PRKG1: variants seen among roughly 807,000 people sequenced by gnomAD.
PRKG1 encodes protein kinase cGMP-dependent 1.
Under a neutral mutation model 88.1 loss-of-function variants are expected in PRKG1, and 35 were observed. That is an observed-to-expected ratio of 0.40 (90% confidence interval 0.30 to 0.53). The LOEUF (loss-of-function observed/expected upper bound fraction) is 0.53. Among genes scored for constraint, PRKG1 ranks in the 20% least tolerant of loss-of-function variants. The pLI is 0.59. For missense variants in PRKG1, 540 were observed against 839.8 expected, an observed-to-expected ratio of 0.64 and a Z score of 4.41; for synonymous variants, 303 against 292.5, an observed-to-expected ratio of 1.04 and a Z score of -0.37.
intron 2 of PRKG1, among the ~76,000 whole-genome samples, chr10:51,392,543 A>G (rs1321361419): frequency 6.6e-6 from 1 of 152,016 alleles, no homozygotes; most frequent in Non-Finnish European, 1.5e-5. Flanking sequence ...TTCTACACAG[A>G]CACGGCAACC....
At chr10:51,349,058 GT>G (rs528366519) in intron 2 of PRKG1, among the ~76,000 whole-genome samples, 17 of 152,270 alleles carry the variant, frequency 1.1e-4, no homozygotes, top group African/African-American at 3.9e-4. Flanking sequence ...GTGCCCAAGT[GT>G]TGTCGTCATC....
chr10:51,387,458 T>C (rs1156701744), intron 2 of PRKG1, among the ~76,000 whole-genome samples: 1 of 151,856 alleles, frequency 6.6e-6, no homozygotes, highest in Non-Finnish European at 1.5e-5. Context: ...GTCATTTTTC[T>C]TTGGCTATAA....
chr10:51,851,008 C>A (rs1477029883), intron 4 of PRKG1, among the ~76,000 whole-genome samples: 1 of 152,048 alleles, frequency 6.6e-6, no homozygotes, highest in Non-Finnish European at 1.5e-5. Flanking sequence ...ATGGTCATGC[C>A]CCTACAAAAT....
chr10:52,246,969 C>T (rs1039723869), intron 9 of PRKG1, among the ~76,000 whole-genome samples: 3 of 103,826 alleles, frequency 2.9e-5, no homozygotes, highest in Non-Finnish European at 7.2e-5. Context: ...ATCTTATAAT[C>T]AGACATATTT....
At chr10:50,992,798 A>G (rs201650027) in intron 1 of PRKG1, among the ~76,000 whole-genome samples, 1 of 34,942 alleles carries the variant, frequency 2.9e-5, no homozygotes. Flanking sequence ...CAGACTCCAA[A>G]GCCATTACTG....
chr10:51,408,815 T>G (rs1837996894), intron 2 of PRKG1, among the ~76,000 whole-genome samples: 1 of 152,150 alleles, frequency 6.6e-6, no homozygotes, highest in South Asian at 2.1e-4. Flanking sequence ...CATAGAATGG[T>G]TCATCTTATC....
At chr10:51,636,672 T>C (rs987026783) in intron 3 of PRKG1, among the ~76,000 whole-genome samples, 4 of 152,178 alleles carry the variant, frequency 2.6e-5, no homozygotes, top group East Asian at 1.9e-4. Flanking sequence ...CCCAGGCAAA[T>C]AGAAGGGGCT....
intron 12 of PRKG1, among the ~76,000 whole-genome samples, chr10:52,278,280 A>G (rs2132443351): frequency 6.6e-6 from 1 of 152,340 alleles, no homozygotes; most frequent in Middle Eastern, 3.4e-3. Flanking sequence ...ATCTCATGCC[A>G]GTTAGAATGA....
intron 5 of PRKG1, among the ~76,000 whole-genome samples, chr10:51,949,893 G>A (rs1843144099): frequency 2.0e-5 from 3 of 152,082 alleles, no homozygotes; most frequent in Admixed American, 2.0e-4. Flanking sequence ...ACATTGTTAT[G>A]TCATGCCATC....
chr10:51,859,454 G>A (rs1262270806), intron 4 of PRKG1, among the ~76,000 whole-genome samples: 1 of 149,296 alleles, frequency 6.7e-6, no homozygotes, highest in African/African-American at 2.5e-5. Context: ...CACTACATTA[G>A]GGGAAGACAT....
chr10:51,628,004 C>T (rs1444280261), intron 3 of PRKG1, among the ~76,000 whole-genome samples: 598 of 43,760 alleles, frequency 0.014, 54 homozygotes, highest in South Asian at 0.028. Context: ...CTCTCTCTCT[C>T]TCTCTCTTTC....
rs531674290 is a variant in PRKG1, at chr10:52,281,700, T to A, written c.1546-453T>A. 2.3e-4 allele frequency among the ~76,000 whole-genome samples: 35 copies of A among 152,240 alleles called. 2 individuals carry two copies. The South Asian group carries it at 6.8e-3, about 30-fold the overall frequency. On this transcript the variant is annotated intron_variant, in intron 13 of 17. Transcript: ENST00000373980. ...TCCCAAAACTATCTTACTCACTTCCTGCAAACATAAAATAGCTTTTCAAAT... is the reference window on the plus strand; with the variant it reads ...TCCCAAAACTATCTTACTCACTTCCAGCAAACATAAAATAGCTTTTCAAAT...
At chr10:51,009,406 C>T (rs1350688780) in intron 1 of PRKG1, among the ~76,000 whole-genome samples, 1 of 152,070 alleles carries the variant, frequency 6.6e-6, no homozygotes, top group Non-Finnish European at 1.5e-5. Flanking sequence ...AATAGTTCTC[C>T]CACCTCCACC....
chr10:52,039,389 C>T (rs900216954), intron 5 of PRKG1, among the ~76,000 whole-genome samples: 1 of 152,054 alleles, frequency 6.6e-6, no homozygotes, highest in Non-Finnish European at 1.5e-5. Flanking sequence ...AATGTCATCA[C>T]TTAAGGCAAG....
At chr10:51,832,949 A>T (rs1193476334) in intron 4 of PRKG1, among the ~76,000 whole-genome samples, 1 of 152,176 alleles carries the variant, frequency 6.6e-6, no homozygotes, top group Non-Finnish European at 1.5e-5. Flanking sequence ...TTCTCCTGTG[A>T]TATGAATAAA....
intron 3 of PRKG1, among the ~76,000 whole-genome samples, chr10:51,802,462 A>C (rs1204117695): frequency 6.6e-6 from 1 of 152,170 alleles, no homozygotes; most frequent in Admixed American, 6.6e-5. Flanking sequence ...TTCAACACAT[A>C]GATAATGAAA....
At chr10:51,714,755 G>T (rs547282034) in intron 3 of PRKG1, among the ~76,000 whole-genome samples, 1 of 152,226 alleles carries the variant, frequency 6.6e-6, no homozygotes, top group East Asian at 1.9e-4. Context: ...AGGTTGGAAG[G>T]TATCATTCAT....
intron 5 of PRKG1, among the ~76,000 whole-genome samples, chr10:51,983,228 A>G (rs572466703): frequency 4.1e-4 from 63 of 152,178 alleles, no homozygotes; most frequent in African/African-American, 1.4e-3. Flanking sequence ...ATAGGGGATC[A>G]GGGCATGGGG....
At chr10:51,758,851 C>A (rs7893624) in intron 3 of PRKG1, among the ~76,000 whole-genome samples, 1 of 146,692 alleles carries the variant, frequency 6.8e-6, no homozygotes, top group African/African-American at 2.5e-5. Flanking sequence ...CCTCTTCCCC[C>A]CCACCCCCCG....
Sources: gnomAD v4.1 joint callset for allele counts (sites outside exome capture counted in the v4.1 genomes callset) on GRCh38, gnomAD v4.1.1 for gene constraint, MANE v1.5 for transcripts, NCBI Gene and HGNC (gene_info 2026-07-23, HGNC 2026-07-21) for gene names.